Variants in ATF7 observed in about 807,000 individuals in gnomAD.
ATF7 encodes cyclic AMP-dependent transcription factor ATF-7.
A neutral mutation model predicts 50.4 loss-of-function variants in ATF7; 10 were observed. The observed-to-expected ratio is 0.20, with a 90% CI of 0.12 to 0.34. The LOEUF (loss-of-function observed/expected upper bound fraction) is 0.34. Among genes scored for constraint, ATF7 ranks in the 10% least tolerant of loss-of-function variants. The probability of loss-of-function intolerance (pLI) is 1.00; values close to 1 mark genes in which losing one functional copy is unlikely to be tolerated. For missense variants in ATF7, 465 were observed against 613.9 expected (o/e 0.76, Z 2.56); for synonymous variants, 201 against 226.4 (o/e 0.89, Z 1.01).
intron 2 of ATF7, among the ~76,000 whole-genome samples, chr12:53,588,120 G>A (rs1232960721): frequency 6.6e-6 from 1 of 151,928 alleles, no homozygotes; most frequent in Admixed American, 6.6e-5. Flanking sequence ...AATGTGCTGG[G>A]ATTTCAGGCA....
chr12:53,574,433 T>G (rs966048670), intron 2 of ATF7, among the ~76,000 whole-genome samples: 1 of 152,186 alleles, frequency 6.6e-6, no homozygotes, highest in Non-Finnish European at 1.5e-5. Flanking sequence ...TTCTCCATGG[T>G]GAGCAGGACA....
intron 2 of ATF7, among the ~76,000 whole-genome samples, chr12:53,554,056 C>A (rs909927611): frequency 1.3e-5 from 2 of 152,192 alleles, no homozygotes; most frequent in Admixed American, 1.3e-4. Context: ...GGACAGATTG[C>A]TTGAGGCCAG....
chr12:53,508,558 CA>C (rs11464529), downstream of ATF7, among the ~76,000 whole-genome samples: 473 of 146,446 alleles, frequency 3.2e-3, 5 homozygotes, highest in African/African-American at 9.1e-3. Flanking sequence ...AACTCTGTCT[CA>C]AAAAAAAAAA....
chr12:53,546,697 G>GC (rs1939942831), intron 3 of ATF7, among the ~76,000 whole-genome samples: 1 of 151,674 alleles, frequency 6.6e-6, no homozygotes, highest in African/African-American at 2.4e-5. Flanking sequence ...TGATCTGCCT[G>GC]CCTCAGCCTC....
chr12:53,564,628 T>C (rs777868313), intron 2 of ATF7, among the ~76,000 whole-genome samples: 44 of 152,200 alleles, frequency 2.9e-4, no homozygotes, highest in Non-Finnish European at 5.3e-4. Context: ...CTCCAGTATC[T>C]GACAAAAGGA....
intron 2 of ATF7, among the ~76,000 whole-genome samples, chr12:53,586,192 G>C (rs992146408): frequency 3.3e-5 from 5 of 152,266 alleles, no homozygotes; most frequent in Middle Eastern, 3.4e-3. Flanking sequence ...AAGTTAAAGT[G>C]TTGAATATAA....
At chr12:53,542,603 C>T (rs1939643523) in intron 4 of ATF7, among the ~76,000 whole-genome samples, 1 of 152,138 alleles carries the variant, frequency 6.6e-6, no homozygotes, top group Non-Finnish European at 1.5e-5. Context: ...ATCTTTAAAA[C>T]TGTTTTTGTA....
chr12:53,546,195 A>AC (rs1939893196), intron 3 of ATF7, among the ~76,000 whole-genome samples: 4 of 151,376 alleles, frequency 2.6e-5, no homozygotes, highest in African/African-American at 9.8e-5. Flanking sequence ...TCCATCTCAA[A>AC]AAAACAAACA....
At position 53,550,331 on chromosome 12, in the gene ATF7, AAAATAAAT is replaced by A. The variant is rs200164879; in HGVS notation, c.145+2202_145+2209del. On this transcript the variant is annotated intron_variant, in intron 3 of 11. Transcript: ENST00000420353. ...AGAGTGAGACCCTGTCTCAAAAAAA[AAAATAAAT>A]AAATAAATAAATAAATAAATAAATA... Among the ~76,000 whole-genome samples, 377 of 123,464 alleles carry A rather than the reference AAAATAAAT, an allele frequency of 3.1e-3. 5 individuals are homozygous for A. The highest frequency in any genetic ancestry group is 6.1e-3 in the African/African-American group (185 of 30,332). The allele number at this position is 123,464 out of a possible 152,430, so 81.0% of individuals were successfully genotyped here. A position where few individuals can be genotyped will look rare whatever the true frequency, so the allele number is the denominator to read the frequency against.
chr12:53,566,666 A>G (rs1444055873), intron 2 of ATF7, among the ~76,000 whole-genome samples: 1 of 152,216 alleles, frequency 6.6e-6, no homozygotes, highest in Non-Finnish European at 1.5e-5. Context: ...GAAAGAACCT[A>G]GGTCCTTGAT....
At position 53,537,516 on chromosome 12, in the gene ATF7, T is replaced by G; in HGVS notation, c.301A>C (p.Thr101Pro). ...AGPLDMSLPS[T>P]PDIKIKEEEP... ...TCTTCTTTGATTTTGATGTCTGGTG[T>G]GGAAGGCAGAGACATGTCAAGGGGC... Residue 101 changes from threonine (T) to proline (P), a missense_variant, in exon 5 of 12, where the codon ACA becomes CCA. Thr to Pro is a conservative substitution (Grantham distance 38). Coordinates refer to ENST00000420353, the MANE Select transcript of ATF7 (RefSeq NM_006856.3). 1 of 1,613,576 alleles carries G rather than the reference T, an allele frequency of 6.2e-7. No individual in the cohort carries two copies. Among genetic ancestry groups the G allele is most frequent in the Non-Finnish European group, 8.5e-7 (1 of 1,179,846 alleles).
intron 2 of ATF7, among the ~76,000 whole-genome samples, chr12:53,592,058 G>T (rs1215179487): frequency 6.6e-6 from 1 of 152,234 alleles, no homozygotes; most frequent in Non-Finnish European, 1.5e-5. Context: ...AGCTTGGAAT[G>T]ATGGCTGGCA....
chr12:53,596,926 C>T (rs923449889), intron 2 of ATF7, among the ~76,000 whole-genome samples: 1 of 152,160 alleles, frequency 6.6e-6, no homozygotes, highest in Admixed American at 6.5e-5. Flanking sequence ...CAGTCCTCTG[C>T]CAAGAGGGTA....
At chr12:53,606,294 G>A (rs1313693761) in intron 1 of ATF7, among the ~76,000 whole-genome samples, 2 of 152,034 alleles carry the variant, frequency 1.3e-5, no homozygotes, top group African/African-American at 4.8e-5. Flanking sequence ...GCCCAGGTTA[G>A]AGTGAGTGCA....
At position 53,517,274 on chromosome 12, in the gene ATF7, C is replaced by T; in HGVS notation, c.1315G>A (p.Gly439Ser). The T allele has an allele frequency of 6.2e-7, 1 of 1,614,070 alleles. No homozygotes were observed. The highest frequency in any genetic ancestry group is 8.5e-7 in the Non-Finnish European group (1 of 1,179,912). The change falls in exon 12 of 12, where the codon GGC becomes AGC. Residue 439 changes from glycine to serine, a missense_variant. Coordinates refer to ENST00000420353, the MANE Select transcript of ATF7 (RefSeq NM_006856.3). ...TCAGCTGCAGAGCGAACACTGAGGC[C>T]ATTGCTAGGGGCTGTTGCTGAGCTG... ...QHSSATAPSNGLSVRSAAEAV... is the reference protein window; with the variant it reads ...QHSSATAPSNSLSVRSAAEAV...
At position 53,524,729 on chromosome 12, in the gene ATF7, C is replaced by G; in HGVS notation, c.960G>C (p.Gly320=). 1 of 1,611,482 alleles carries G rather than the reference C, an allele frequency of 6.2e-7. No homozygotes were observed. The highest frequency in any genetic ancestry group is 8.5e-7 in the Non-Finnish European group (1 of 1,179,138). ...VSPAQPTPST[G]GRRRRTVDED... is the part of the protein sequence containing the mutation. Reference sequence around the variant, plus strand: ...CATCTACTGTGCGCCGCCGTCGCCCCCCAGTACTAGGGGTGGGCTGAGCTG... The same window carrying G: ...CATCTACTGTGCGCCGCCGTCGCCCGCCAGTACTAGGGGTGGGCTGAGCTG... Residue 320 remains glycine, a synonymous_variant, in exon 10 of 12, where the codon GGG becomes GGC. Transcript: ENST00000420353. The surrounding 1 kb of genome is among the most constrained non-coding windows in gnomAD (Gnocchi z 4.6).
intron 11 of ATF7, among the ~76,000 whole-genome samples, chr12:53,522,318 G>A (rs1452782265): frequency 6.6e-6 from 1 of 152,154 alleles, no homozygotes; most frequent in Non-Finnish European, 1.5e-5. Context: ...CAGCACTTTG[G>A]GAGGCTGAGG....
At position 53,531,846 on chromosome 12, in the gene ATF7, A is replaced by G; in HGVS notation, c.825T>C (p.Cys275=). The part of the protein sequence containing the change: ...THQVSSINGG[C]GMVVGTASTM... ...TGCTGGCAGTACCCACCACCATTCC[A>G]CAACCACCATTGATTGAGGAGACTT... Residue 275 remains cysteine (C), a synonymous_variant, in exon 9 of 12, where the codon TGT becomes TGC. Coordinates refer to ENST00000420353, the MANE Select transcript of ATF7 (RefSeq NM_006856.3). 6.2e-7 allele frequency: 1 copy of G among 1,613,628 alleles called. No homozygotes were observed. Among genetic ancestry groups the G allele is most frequent in the Non-Finnish European group, 8.5e-7 (1 of 1,179,826 alleles).
chr12:53,616,577 A>G (rs958894239), intron 1 of ATF7, among the ~76,000 whole-genome samples: 1 of 152,178 alleles, frequency 6.6e-6, no homozygotes, highest in Non-Finnish European at 1.5e-5. Flanking sequence ...TATTGAAAAG[A>G]AAAAAAGAAA....
Sources: gnomAD v4.1 joint callset for allele counts (sites outside exome capture counted in the v4.1 genomes callset) on GRCh38, gnomAD v4.1.1 for gene constraint, Gnocchi (gnomAD v3.1) non-coding constraint, MANE v1.5 for transcripts, NCBI Gene and HGNC (gene_info 2026-07-23, HGNC 2026-07-21) for gene names.